SLC22A24: variants seen among roughly 807,000 people sequenced by gnomAD.
SLC22A24 encodes solute carrier family 22 member 24.
Under a neutral mutation model 49.8 loss-of-function variants are expected in SLC22A24, and 53 were observed. That is an observed-to-expected ratio of 1.06 (90% CI 0.85 to 1.34). The LOEUF is 1.34. Ranked by LOEUF, SLC22A24 falls within the 40% of genes most tolerant of loss-of-function variation. The probability of loss-of-function intolerance (pLI) is 0.00; values close to 1 mark genes in which losing one functional copy is unlikely to be tolerated. For synonymous variants in SLC22A24, 302 were observed against 256.4 expected (o/e 1.18, Z -1.70); for missense variants, 786 against 675.9 (o/e 1.16, Z -1.81).
intron 4 of SLC22A24, among the ~76,000 whole-genome samples, chr11:63,110,605 A>C (rs1360465259): frequency 1.6e-5 from 2 of 122,348 alleles, no homozygotes. Flanking sequence ...ATTCTCTTTG[A>C]AGCAGTTGTG....
chr11:63,135,086 T>A (rs2087364303), intron 1 of SLC22A24, among the ~76,000 whole-genome samples: 1 of 152,196 alleles, frequency 6.6e-6, no homozygotes, highest in African/African-American at 2.4e-5. Flanking sequence ...TATACACATT[T>A]TTTGGGTATT....
At position 63,143,382 on chromosome 11, in the gene SLC22A24, G is replaced by T. The variant is rs1170623749; in HGVS notation, c.398C>A (p.Thr133Asn). Residue 133 changes from threonine (T) to asparagine (N), a missense_variant, in exon 1 of 10, where the codon ACT becomes AAT. Coordinates refer to ENST00000612278, the MANE Select transcript of SLC22A24 (RefSeq NM_001136506.2). ...DRSSFLSTIV[T>N]EWDLVCESQS... ...GATTTACATGGGGCCTCTTACCTCA[G>T]TCACGATGGTGGAGAGGAAAGAGCT... 6.9e-7 allele frequency: 1 copy of T among 1,449,614 alleles called. No homozygotes were observed. Among genetic ancestry groups the T allele is most frequent in the Non-Finnish European group, 9.1e-7 (1 of 1,099,608 alleles). 89.8% of individuals were successfully genotyped at this position (1,449,614 alleles called of 1,614,324 possible).
rs1020034130 is a variant in SLC22A24 at position 63,096,005 on chromosome 11, G to A, written c.1056C>T (p.Gly352=). The part of the protein sequence containing the change: ...RAPKLRMRVF[G]LCFVRFAITV... ...ATGGAACTTACCTCACAAAGCACAG[G>A]CCGAAGACTCTCATTCGCAATTTGG... The change falls in exon 6 of 10, where the codon GGC becomes GGT. Residue 352 remains glycine, a synonymous_variant. Transcript: ENST00000612278. The A allele has an allele frequency of 1.3e-4, 197 of 1,549,872 alleles. No individual in the cohort carries two copies. The highest frequency in any genetic ancestry group is 1.6e-4 in the Non-Finnish European group (180 of 1,145,672).
rs1345043995 is a variant in SLC22A24, at chr11:63,092,321, A to G, written c.1070+3670T>C. 2.6e-5 allele frequency among the ~76,000 whole-genome samples: 4 copies of G among 151,266 alleles called. 1 individual carries two copies. The highest frequency in any genetic ancestry group is 4.2e-4 in the South Asian group (2 of 4,760). On this transcript the variant is annotated intron_variant, in intron 6 of 9. Transcript: ENST00000612278. ...TAATCAATATAGTGAAAATGACCAT[A>G]CTGCCCAAAGTAATTTATAGATTCA... is the stretch of plus-strand genomic sequence containing the variant.
chr11:63,135,192 A>G (rs2087365093), intron 1 of SLC22A24, among the ~76,000 whole-genome samples: 1 of 152,214 alleles, frequency 6.6e-6, no homozygotes, highest in Non-Finnish European at 1.5e-5. Flanking sequence ...GGCTTCCCTC[A>G]TCATGTAGGT....
At position 63,119,163 on chromosome 11, in the gene SLC22A24, C is replaced by T; in HGVS notation, c.661+18G>A. On this transcript the variant is annotated intron_variant, in intron 3 of 9. Coordinates refer to ENST00000612278, the MANE Select transcript of SLC22A24 (RefSeq NM_001136506.2). ...TTCAAGACATGGAGATGATAAAATG[C>T]TCAAATTATTGACTTACTGAGAATA... 2 of 1,529,234 alleles carry T rather than the reference C, an allele frequency of 1.3e-6. No homozygotes were observed. The highest frequency in any genetic ancestry group is 1.8e-6 in the Non-Finnish European group (2 of 1,136,472). 94.7% of individuals were successfully genotyped at this position (1,529,234 alleles called of 1,614,324 possible). A position where few individuals can be genotyped will look rare whatever the true frequency, so the allele number is the denominator to read the frequency against.
intron 4 of SLC22A24, among the ~76,000 whole-genome samples, chr11:63,111,430 G>T (rs1040381471): frequency 5.3e-5 from 8 of 151,946 alleles, no homozygotes; most frequent in Non-Finnish European, 1.0e-4. Flanking sequence ...AAAGGTACCA[G>T]TTCCTCCTTG....
Position 63,119,037 on chromosome 11 carries a change from C to A in SLC22A24, c.705G>T (p.Met235Ile), listed in dbSNP as rs1318498019. 1.0e-5 allele frequency: 16 copies of A among 1,551,394 alleles called. No homozygotes were observed. Among genetic ancestry groups the A allele is most frequent in the Non-Finnish European group, 1.1e-5 (13 of 1,146,800 alleles). Residue 235 changes from methionine to isoleucine, a missense_variant, in exon 4 of 10, where the codon ATG (methionine) becomes ATT (isoleucine). By Grantham distance (10) the Met-to-Ile change is conservative (BLOSUM62 1). Transcript: ENST00000612278. ...TLPRSRSMTI[M>I]VLLCSYSVGQ... is the part of the protein sequence containing the mutation. ...CAACACTGTAGGAACATAATAGCAC[C>A]ATTATTGTCATAGATCGTGACCGGG... is the stretch of plus-strand genomic sequence containing the variant.
chr11:63,104,612 T>A (rs1449881549), intron 4 of SLC22A24, among the ~76,000 whole-genome samples: 1 of 152,126 alleles, frequency 6.6e-6, no homozygotes, highest in Non-Finnish European at 1.5e-5. Context: ...TCCACATGGC[T>A]GGGGAGGCCT....
At chr11:63,083,199 A>G (rs1341808332) in intron 7 of SLC22A24, 44 bp downstream of exon 7, 2 of 1,472,598 alleles carry the variant, frequency 1.4e-6, no homozygotes, top group Non-Finnish European at 1.9e-6. Context: ...TCCCTGGAGA[A>G]TGGGGGTAAC....
chr11:63,087,620 G>C (rs1004981141), intron 6 of SLC22A24, among the ~76,000 whole-genome samples: 1 of 152,214 alleles, frequency 6.6e-6, no homozygotes, highest in Non-Finnish European at 1.5e-5. Flanking sequence ...ATGGAGCCAG[G>C]TGGTCTCGCT....
At chr11:63,134,524 G>T in intron 2 of SLC22A24, 141 bp downstream of exon 2, 1 of 564,364 alleles carries the variant, frequency 1.8e-6, no homozygotes, top group Non-Finnish European at 3.2e-6. Flanking sequence ...TTAATCAGCT[G>T]TAGCTTCCTG....
At chr11:63,088,987 T>C (rs1479228549) in intron 6 of SLC22A24, among the ~76,000 whole-genome samples, 1 of 152,170 alleles carries the variant, frequency 6.6e-6, no homozygotes, top group Non-Finnish European at 1.5e-5. Context: ...TGAACCAAAC[T>C]GGAAAACACA....
Position 63,105,801 on chromosome 11 carries a change from T to C in SLC22A24, c.831-1503A>G, listed in dbSNP as rs535002163. Among the ~76,000 whole-genome samples, 11 of 152,310 alleles carry C rather than the reference T, an allele frequency of 7.2e-5. No individual in the cohort carries two copies. The South Asian group carries it at 1.5e-3, about 20-fold the overall frequency. ...TTAGCCTTTGGCTCCTCATTACTTA[T>C]GCAAGTTTCTGCAGCAGGCTTGAAT... On this transcript the variant is annotated intron_variant, in intron 4 of 9. Coordinates refer to ENST00000612278, the MANE Select transcript of SLC22A24 (RefSeq NM_001136506.2).
chr11:63,087,062 G>GGA (rs139630125), intron 6 of SLC22A24, among the ~76,000 whole-genome samples: 103,791 of 137,278 alleles, frequency 0.76, 39,206 homozygotes, highest in East Asian at 0.89. Flanking sequence ...ACACACAGAG[G>GGA]GAGAGAGAGA....
intron 1 of SLC22A24, 33 bp from the exon 2 acceptor site, chr11:63,134,801 T>C (rs1257919731): frequency 3.5e-6 from 5 of 1,447,448 alleles, no homozygotes; most frequent in Non-Finnish European, 4.8e-6. Context: ...CAGCAGAGCT[T>C]GAGAAGAGTT....
chr11:63,132,971 C>A (rs916515492), intron 2 of SLC22A24, among the ~76,000 whole-genome samples: 1 of 152,218 alleles, frequency 6.6e-6, no homozygotes, highest in Non-Finnish European at 1.5e-5. Flanking sequence ...CCAGTTCGAA[C>A]TTCCCAGCCA....
intron 6 of SLC22A24, among the ~76,000 whole-genome samples, chr11:63,084,270 A>G (rs1191299557): frequency 6.6e-6 from 1 of 152,200 alleles, no homozygotes; most frequent in Non-Finnish European, 1.5e-5. Flanking sequence ...GGGTTATTAA[A>G]TCATCAGAAT....
intron 2 of SLC22A24, among the ~76,000 whole-genome samples, chr11:63,132,700 G>A (rs1468207132): frequency 6.6e-6 from 1 of 152,152 alleles, no homozygotes; most frequent in Admixed American, 6.5e-5. Context: ...GCACCCACCT[G>A]TATGAGGTGT....
Sources: gnomAD v4.1 joint callset for allele counts (sites outside exome capture counted in the v4.1 genomes callset) on GRCh38, gnomAD v4.1.1 for gene constraint, MANE v1.5 for transcripts, NCBI Gene and HGNC (gene_info 2026-07-23, HGNC 2026-07-21) for gene names.